Variants in TIMM44 observed in about 807,000 individuals in gnomAD.
TIMM44 encodes translocase of inner mitochondrial membrane 44, also known as mitochondrial import inner membrane translocase subunit TIM44.
In TIMM44, 37 loss-of-function variants were observed where a neutral mutation model predicts 63.8. The observed-to-expected ratio is 0.58, with a 90% CI of 0.45 to 0.76. The LOEUF is 0.76. TIMM44 is among the 30% of genes least tolerant of loss of function. TIMM44 has a pLI of 0.00. For missense variants in TIMM44, 573 were observed against 603.8 expected, an observed-to-expected ratio of 0.95 and a Z score of 0.54; for synonymous variants, 239 against 245.1, an observed-to-expected ratio of 0.98 and a Z score of 0.23.
intron 3 of TIMM44, among the ~76,000 whole-genome samples, chr19:7,935,500 G>A (rs1026902471): frequency 1.4e-4 from 21 of 152,114 alleles, no homozygotes; most frequent in Middle Eastern, 6.3e-3. Context: ...GTTCTGACAC[G>A]GCAGTGACAT....
chr19:7,931,595 C>T (rs1014621496), intron 9 of TIMM44: 2 of 237,198 alleles, frequency 8.4e-6, no homozygotes, highest in South Asian at 5.2e-5. Context: ...GACCACATTT[C>T]GGACTGCAAG....
intron 2 of TIMM44, 94 bp from the exon 3 acceptor site, chr19:7,938,291 T>G: frequency 5.1e-6 from 5 of 980,256 alleles, no homozygotes; most frequent in Non-Finnish European, 7.5e-6. Context: ...TTTTAAATGT[T>G]CTCTTTTCGG....
chr19:7,938,057 T>C lies in TIMM44; in HGVS notation c.282A>G (p.Ser94=). 1 of 1,614,154 alleles carries C rather than the reference T, an allele frequency of 6.2e-7. No individual in the cohort carries two copies. The highest frequency in any genetic ancestry group is 8.5e-7 in the Non-Finnish European group (1 of 1,180,018). Residue 94 remains serine (S), a synonymous_variant, in exon 3 of 13, where the codon TCA becomes TCG. Transcript: ENST00000270538. ...FRDEARRLEE[S]DVLQEARRKY... The stretch of plus-strand genomic sequence containing the variant: ...TCCTTCTGGCCTCCTGGAGCACGTC[T>C]GATTCTTCTAGCCTTCTGGCCTCGT...
intron 3 of TIMM44, among the ~76,000 whole-genome samples, chr19:7,936,384 G>A (rs987195702): frequency 6.6e-6 from 1 of 151,950 alleles, no homozygotes; most frequent in African/African-American, 2.4e-5. Context: ...CCAGGGAGGC[G>A]GAGGTTGCAG....
In TIMM44 at chr19:7,932,843, G is replaced by A. The variant is rs1168270318; in HGVS notation, c.859C>T (p.Leu287=). Residue 287 remains leucine, a synonymous_variant, in exon 8 of 13, where the codon CTG becomes TTG. Coordinates refer to ENST00000270538, the MANE Select transcript of TIMM44 (RefSeq NM_006351.4). ...GGTCCAGGGATGACTCACTCACCCA[G>A]CAAGTCGGTGACCTTGTCCGTAAGG... ...RALTDKVTDL[L]GGLFSKTEMS... 6.2e-7 allele frequency: 1 copy of A among 1,614,060 alleles called. No homozygotes were observed. Among genetic ancestry groups the A allele is most frequent in the Non-Finnish European group, 8.5e-7 (1 of 1,180,008 alleles).
chr19:7,941,195 T>A lies in TIMM44; in HGVS notation c.48A>T (p.Arg16Ser). ...GAAATTGGATTCCACTGCCGAGGCATCTCTAATTGGGGGGAGAGAAGAGAA... is the reference window on the plus strand; with the variant it reads ...GAAATTGGATTCCACTGCCGAGGCAACTCTAATTGGGGGGAGAGAAGAGAA... The part of the protein sequence containing the change: ...LRSGWCRCPR[R>S]CLGSGIQFLS... Residue 16 changes from arginine (R) to serine (S), a missense_variant and splice_region_variant, in exon 2 of 13, where the codon AGA becomes AGT. Physicochemically the swap from Arg to Ser is moderately radical, Grantham distance 110. Transcript: ENST00000270538. The A allele has an allele frequency of 6.2e-7, 1 of 1,612,260 alleles. No individual in the cohort carries two copies.
chr19:7,934,324 A>G lies in TIMM44; in HGVS notation c.394-86T>C. 1 of 1,559,786 alleles carries G rather than the reference A, an allele frequency of 6.4e-7. No individual in the cohort carries two copies. The highest frequency in any genetic ancestry group is 8.7e-7 in the Non-Finnish European group (1 of 1,144,654). ...CAGGAGGAATGAATTCCTGCCGGAG[A>G]GAAGGGCGGATCTGGTTCCCCGAGG... On this transcript the variant is annotated intron_variant, in intron 4 of 12. Coordinates refer to ENST00000270538, the MANE Select transcript of TIMM44 (RefSeq NM_006351.4). This position sits in a 1 kb window ranked among gnomAD's most constrained non-coding sequence, Gnocchi z 5.3.
rs1984368483 is a variant in TIMM44 at position 7,943,574 on chromosome 19, A to G, written c.45+33T>C. 6.4e-6 allele frequency: 10 copies of G among 1,562,664 alleles called. No individual in the cohort carries two copies. Among genetic ancestry groups the G allele is most frequent in the Non-Finnish European group, 7.8e-6 (9 of 1,160,466 alleles). ...TGGCCGAAGGCCCAGAAGACCCCTA[A>G]GCTCGCCCTGCCAGCGCCGCACCGC... On this transcript the variant is annotated intron_variant, in intron 1 of 12. Transcript: ENST00000270538. The surrounding 1 kb of genome is among the most constrained non-coding windows in gnomAD (Gnocchi z 4.3).
Position 7,934,458 on chromosome 19 carries a change from ACCGGCACCC to A in TIMM44, c.394-229_394-221del. On this transcript the variant is annotated intron_variant, in intron 4 of 12. Transcript: ENST00000270538. The surrounding 1 kb of genome is among the most constrained non-coding windows in gnomAD (Gnocchi z 5.3). ...CCGCCACCCCCAGAGCCACGAGCAC[ACCGGCACCC>A]CCAGAGCCATGAGCACACCGGCACC... 7.6e-6 allele frequency among the ~76,000 whole-genome samples: 1 copy of A among 131,552 alleles called. No homozygotes were observed. The highest frequency in any genetic ancestry group is 2.6e-5 in the African/African-American group (1 of 38,620). 86.3% of individuals were successfully genotyped at this position (131,552 alleles called of 152,430 possible).
rs1984069018 is a variant in TIMM44 at position 7,934,058 on chromosome 19, G to A, written c.543+31C>T. The A allele has an allele frequency of 6.2e-7, 1 of 1,613,276 alleles. No individual in the cohort carries two copies. The highest frequency in any genetic ancestry group is 8.5e-7 in the Non-Finnish European group (1 of 1,179,982). Reference sequence around the variant, plus strand: ...GGGTGTCTGGGTTCGGCCGCCCCAGGCTGCATGCCCTAGCCCAGGACTGGG... The same window carrying A: ...GGGTGTCTGGGTTCGGCCGCCCCAGACTGCATGCCCTAGCCCAGGACTGGG... On this transcript the variant is annotated intron_variant, in intron 5 of 12. Transcript: ENST00000270538. This position sits in a 1 kb window ranked among gnomAD's most constrained non-coding sequence, Gnocchi z 5.3.
chr19:7,928,197 TGCCACCCAGGGTGGGCACCAC>T, intron 10 of TIMM44, 31 bp from the exon 11 acceptor site: 1 of 1,593,312 alleles, frequency 6.3e-7, no homozygotes, highest in African/African-American at 1.3e-5. Context: ...GCCTGCGTGA[TGCCACCCAGGGTGGGCACCAC>T]GCCACACAGA....
intron 9 of TIMM44, chr19:7,931,444 G>C: frequency 1.9e-6 from 1 of 520,040 alleles, no homozygotes; most frequent in Non-Finnish European, 3.5e-6. Context: ...GCACCCCACA[G>C]GGGGACCCCC....
chr19:7,936,455 G>T (rs983343226), intron 3 of TIMM44, among the ~76,000 whole-genome samples: 2 of 151,984 alleles, frequency 1.3e-5, no homozygotes, highest in Admixed American at 6.6e-5. Context: ...CCATCTCAAA[G>T]GAGAAAAACA....
intron 3 of TIMM44, among the ~76,000 whole-genome samples, chr19:7,937,226 G>A (rs759421085): frequency 1.3e-5 from 2 of 151,578 alleles, no homozygotes; most frequent in Non-Finnish European, 2.9e-5. Context: ...CCAAGGTCAC[G>A]CCACTGCACT....
At position 7,935,113 on chromosome 19, in the gene TIMM44, G is replaced by A. The variant is rs1434869627; in HGVS notation, c.345C>T (p.Ser115=). Residue 115 remains serine (S), a synonymous_variant, in exon 4 of 13, where the codon AGC becomes AGT. Coordinates refer to ENST00000270538, the MANE Select transcript of TIMM44 (RefSeq NM_006351.4). ...CCCCAAGCTTCTTCCGTAGCACCTC[G>A]CTCGTCCGCACGGTTTCTGACTCGA... The part of the protein sequence containing the change: ...KTIESETVRT[S]EVLRKKLGEL... 1.2e-5 allele frequency: 20 copies of A among 1,613,022 alleles called. 1 individual carries two copies. The Middle Eastern group carries it at 5.0e-4, about 40-fold the overall frequency.
rs996901905 is a variant in TIMM44, at chr19:7,937,929, A to C, written c.312+98T>G. 7 of 1,426,696 alleles carry C rather than the reference A, an allele frequency of 4.9e-6. No individual in the cohort carries two copies. The African/African-American group carries it at 9.9e-5, about 20-fold the overall frequency. The allele number at this position is 1,426,696 out of a possible 1,614,324, so 88.4% of individuals were successfully genotyped here. ...GCTACTCAGGAGGCTGAGGCAGGGG[A>C]ATCACTTGAACCTGGGAGGTGGAGG... On this transcript the variant is annotated intron_variant, in intron 3 of 12. Transcript: ENST00000270538.
chr19:7,927,114 T>G lies in TIMM44; in HGVS notation c.*73A>C, dbSNP rs1430174802. The stretch of plus-strand genomic sequence containing the variant: ...CAGTCTTGTTCCCAGAGGTCTGGAG[T>G]TGCCGCAGGTGGTGTTGCGGTGCCT... On this transcript the variant is annotated 3_prime_UTR_variant, in exon 13 of 13. Transcript: ENST00000270538. 78 of 1,540,802 alleles carry G rather than the reference T, an allele frequency of 5.1e-5. No individual in the cohort carries two copies. In the East Asian group the frequency reaches 1.8e-3, roughly 35 times the overall value.
rs774846981 is a variant in TIMM44, at chr19:7,927,230, C to G, written c.1316G>C (p.Arg439Pro). 6.2e-7 allele frequency: 1 copy of G among 1,611,930 alleles called. No individual in the cohort carries two copies. The highest frequency in any genetic ancestry group is 8.5e-7 in the Non-Finnish European group (1 of 1,179,878). The change falls in exon 13 of 13, where the codon CGG (arginine) becomes CCG (proline). Residue 439 changes from arginine to proline, a missense_variant. Transcript: ENST00000270538. Reference sequence around the variant, plus strand: ...GCTGGAGGCCGAGATGTCCAGGAGCCGCCAGGCCGCGTAGGGGTTGAGCTC... The same window carrying G: ...GCTGGAGGCCGAGATGTCCAGGAGCGGCCAGGCCGCGTAGGGGTTGAGCTC... ...QDELNPYAAW[R>P]LLDISASSTE...
chr19:7,927,041 G>C lies in TIMM44; in HGVS notation c.*146C>G. The C allele has an allele frequency of 8.1e-7, 1 of 1,235,330 alleles. No homozygotes were observed. Among genetic ancestry groups the C allele is most frequent in the East Asian group, 2.6e-5 (1 of 38,810 alleles). 76.5% of individuals were successfully genotyped at this position (1,235,330 alleles called of 1,614,324 possible). On this transcript the variant is annotated 3_prime_UTR_variant, in exon 13 of 13. Transcript: ENST00000270538. ...CGCAACAGCCCGTTGTCCCCTCCCG[G>C]GCCAGCTGGTCTTGCAGCCGTCCTG...
Sources: gnomAD v4.1 joint callset for allele counts (sites outside exome capture counted in the v4.1 genomes callset) on GRCh38, gnomAD v4.1.1 for gene constraint, Gnocchi (gnomAD v3.1) non-coding constraint, MANE v1.5 for transcripts, NCBI Gene and HGNC (gene_info 2026-07-23, HGNC 2026-07-21) for gene names.